Variants in SOS2 observed in about 807,000 individuals in gnomAD.
SOS2 encodes the protein SOS Ras/Rho guanine nucleotide exchange factor 2, also known as son of sevenless homolog 2.
A neutral mutation model predicts 148.2 loss-of-function variants in SOS2; 65 were observed. That is an observed-to-expected ratio of 0.44 (90% CI 0.36 to 0.54). The LOEUF (loss-of-function observed/expected upper bound fraction) is 0.54, where lower values mean the gene tolerates loss of function less well. Ranked by LOEUF, SOS2 falls within the 20% of genes least tolerant of loss-of-function variation. The pLI, the probability that SOS2 is intolerant of heterozygous loss-of-function variation, is 0.00. For synonymous variants in SOS2, 539 were observed against 537.1 expected (o/e 1.00, Z -0.05); for missense variants, 1,341 against 1,590.2 (o/e 0.84, Z 2.67).
chr14:50,182,722 C>T, intron 5 of SOS2, 116 bp from the exon 6 acceptor site: 1 of 734,978 alleles, frequency 1.4e-6, no homozygotes, highest in Non-Finnish European at 2.2e-6. Flanking sequence ...AATAGCCCTG[C>T]TCCACAAGAA....
intron 7 of SOS2, among the ~76,000 whole-genome samples, chr14:50,179,657 G>A (rs1226949436): frequency 3.3e-5 from 5 of 152,218 alleles, no homozygotes; most frequent in Admixed American, 6.5e-5. Context: ...GAGCCACCAC[G>A]TCTGGCTGGA....
At chr14:50,149,106 A>G (rs1884583423) in intron 14 of SOS2, among the ~76,000 whole-genome samples, 1 of 152,164 alleles carries the variant, frequency 6.6e-6, no homozygotes, top group Non-Finnish European at 1.5e-5. Context: ...CATGTTGCTC[A>G]GGCTGGTCTT....
At chr14:50,195,007 A>G (rs1210099218) in intron 4 of SOS2, among the ~76,000 whole-genome samples, 8 of 152,012 alleles carry the variant, frequency 5.3e-5, no homozygotes, top group South Asian at 2.1e-4. Flanking sequence ...ACAGAATTCA[A>G]TTTTTAAAAT....
rs2139894136 is a variant in SOS2, at chr14:50,231,546, G to A, written c.-263C>T. On this transcript the variant is annotated 5_prime_UTR_variant, in exon 1 of 23. Coordinates refer to ENST00000216373, the MANE Select transcript of SOS2 (RefSeq NM_006939.4). ...GCAAGCCCGGGCGACCCCGGGCGGC[G>A]ACCTCCTTTCCCGGCGGCGCTGGCC... 1 of 152,162 alleles carries A rather than the reference G, an allele frequency of 6.6e-6. No individual in the cohort carries two copies. The highest frequency in any genetic ancestry group is 2.4e-5 in the African/African-American group (1 of 41,514). The allele number at this position is 152,162 out of a possible 1,614,324, so 9.4% of individuals were successfully genotyped here.
intron 1 of SOS2, among the ~76,000 whole-genome samples, chr14:50,213,971 A>G (rs185086793): frequency 2.5e-4 from 38 of 152,200 alleles, no homozygotes; most frequent in Non-Finnish European, 3.7e-4. Context: ...CATCCAAAAC[A>G]GAAAAAAACA....
At chr14:50,223,719 C>T (rs1052652066) in intron 1 of SOS2, among the ~76,000 whole-genome samples, 13 of 151,958 alleles carry the variant, frequency 8.6e-5, no homozygotes, top group African/African-American at 3.1e-4. Flanking sequence ...GTGGCACACA[C>T]CTGTAGTCCC....
chr14:50,211,585 G>A (rs1462131834), intron 1 of SOS2, among the ~76,000 whole-genome samples: 1 of 146,290 alleles, frequency 6.8e-6, no homozygotes, highest in Non-Finnish European at 1.5e-5. Flanking sequence ...TCACTCAGGA[G>A]GGAAAATTTT....
intron 16 of SOS2, among the ~76,000 whole-genome samples, chr14:50,141,111 G>A (rs565970230): frequency 6.8e-6 from 1 of 147,814 alleles, no homozygotes; most frequent in Non-Finnish European, 1.5e-5. Flanking sequence ...GGCTGAGGCA[G>A]GAGAATGCCA....
Position 50,159,775 on chromosome 14 carries a change from T to C in SOS2, c.1508A>G (p.Glu503Gly). The C allele has an allele frequency of 6.2e-7, 1 of 1,614,054 alleles. No homozygotes were observed. Among genetic ancestry groups the C allele is most frequent in the Non-Finnish European group, 8.5e-7 (1 of 1,179,918 alleles). ...VMRKIQICDK[E>G]DTCEHKHAFE... ...TGCATGCTTGTGCTCACAAGTATCT[T>C]CTTTATCACAAATTTGTATTTTCCT... The change falls in exon 10 of 23, where the codon GAA (glutamate) becomes GGA (glycine). Residue 503 changes from glutamate (E) to glycine (G), a missense_variant. Glu to Gly is a moderately conservative substitution (Grantham distance 98). This residue lies in a region of SOS2 where 574 missense variants were observed against 711.1 expected (regional missense o/e 0.81). Transcript: ENST00000216373.
chr14:50,224,314 TACACACACAC>T (rs71118856), intron 1 of SOS2, among the ~76,000 whole-genome samples: 15,098 of 100,966 alleles, frequency 0.15, 1,770 homozygotes, highest in East Asian at 0.36. Context: ...AATATATATA[TACACACACAC>T]ACACACACAC....
At chr14:50,173,345 T>C (rs1885427563) in intron 8 of SOS2, among the ~76,000 whole-genome samples, 1 of 152,210 alleles carries the variant, frequency 6.6e-6, no homozygotes, top group African/African-American at 2.4e-5. Context: ...TTATTTCTAA[T>C]GAATACTTAT....
At chr14:50,161,665 T>C (rs894737823) in intron 8 of SOS2, 56 bp from the exon 9 acceptor site, 2 of 1,527,650 alleles carry the variant, frequency 1.3e-6, no homozygotes, top group Non-Finnish European at 1.8e-6. Flanking sequence ...TTCCCCCAAC[T>C]TTCTAGTAAT....
At chr14:50,130,896 A>T in intron 19 of SOS2, 134 bp from the exon 20 acceptor site, 1 of 653,100 alleles carries the variant, frequency 1.5e-6, no homozygotes, top group Non-Finnish European at 2.5e-6. Flanking sequence ...TCAGTCTGCA[A>T]TGACAGCCTG....
At chr14:50,126,377 C>T (rs1267531061) in intron 21 of SOS2, among the ~76,000 whole-genome samples, 2 of 152,086 alleles carry the variant, frequency 1.3e-5, no homozygotes, top group Non-Finnish European at 2.9e-5. Context: ...TAAAGTCTCC[C>T]CTTTCCTGGT....
At chr14:50,209,901 T>C (rs775135771) in intron 1 of SOS2, among the ~76,000 whole-genome samples, 2 of 152,174 alleles carry the variant, frequency 1.3e-5, no homozygotes, top group Admixed American at 6.5e-5. Context: ...TGATACCATG[T>C]TGGTGAACTG....
intron 4 of SOS2, among the ~76,000 whole-genome samples, chr14:50,189,102 C>CACACACAT (rs36076916): frequency 4.1e-4 from 60 of 145,402 alleles, no homozygotes; most frequent in Admixed American, 1.6e-3. Context: ...CACACACACA[C>CACACACAT]GCACACACAA....
At chr14:50,176,434 A>G (rs551814448) in intron 7 of SOS2, among the ~76,000 whole-genome samples, 53 of 152,344 alleles carry the variant, frequency 3.5e-4, no homozygotes, top group African/African-American at 1.2e-3. Flanking sequence ...AAACTTCAAA[A>G]TTAGTCTACA....
intron 13 of SOS2, among the ~76,000 whole-genome samples, chr14:50,151,971 G>A (rs150624788): frequency 9.2e-4 from 140 of 152,122 alleles, no homozygotes; most frequent in Admixed American, 9.2e-4. Flanking sequence ...CAATCAGCCC[G>A]CCTCTGCCTC....
At chr14:50,165,990 C>A (rs927919444) in intron 8 of SOS2, among the ~76,000 whole-genome samples, 1 of 152,092 alleles carries the variant, frequency 6.6e-6, no homozygotes, top group African/African-American at 2.4e-5. Flanking sequence ...ACTAATACCC[C>A]GTGGCTCTAC....
Sources: allele counts gnomAD v4.1 joint callset (sites outside exome capture counted in the v4.1 genomes callset), GRCh38; gene constraint gnomAD v4.1.1; regional missense constraint gnomAD v4.1.1; transcripts MANE v1.5; gene names NCBI Gene and HGNC (gene_info 2026-07-23, HGNC 2026-07-21).